The following CNTLN variants were observed in gnomAD, a reference collection of about 807,000 sequenced individuals.
The protein encoded by CNTLN is centlein, centrosomal protein.
Under a neutral mutation model 180.0 loss-of-function variants are expected in CNTLN, and 212 were observed. That is an observed-to-expected ratio of 1.18 (90% CI 1.05 to 1.32). The LOEUF (loss-of-function observed/expected upper bound fraction) is 1.32, where lower values mean the gene tolerates loss of function less well. Ranked by LOEUF, CNTLN falls within the 40% of genes most tolerant of loss-of-function variation. The pLI is 0.00. For missense variants in CNTLN, 2,095 were observed against 1,610.9 expected (o/e 1.30, Z -5.14); for synonymous variants, 722 against 563.1 (o/e 1.28, Z -3.99).
chr9:17,316,816 T>G (rs960622417), intron 8 of CNTLN, among the ~76,000 whole-genome samples: 1 of 152,120 alleles, frequency 6.6e-6, no homozygotes, highest in Admixed American at 6.5e-5. Flanking sequence ...ATTTCCTTAG[T>G]GCTTACCCTG....
intron 2 of CNTLN, among the ~76,000 whole-genome samples, chr9:17,149,674 T>C (rs1018326277): frequency 6.6e-6 from 1 of 151,854 alleles, no homozygotes; most frequent in Non-Finnish European, 1.5e-5. Context: ...CCCGCCACCA[T>C]GCCTGGCTAA....
Position 17,438,822 on chromosome 9 carries a change from A to G in CNTLN, c.3115-18702A>G, listed in dbSNP as rs576369123. On this transcript the variant is annotated intron_variant, in intron 18 of 25. Coordinates refer to ENST00000380647, the MANE Select transcript of CNTLN (RefSeq NM_017738.4). ...AATCACCAAGGGCGTGGAGATAGGT[A>G]CAAAAGAGATAAGGTCCAAGATCTG... 3.9e-5 allele frequency among the ~76,000 whole-genome samples: 6 copies of G among 152,324 alleles called. No homozygotes were observed. The South Asian group carries it at 6.2e-4, about 16-fold the overall frequency.
At chr9:17,356,123 A>T (rs1033802297) in intron 12 of CNTLN, among the ~76,000 whole-genome samples, 1 of 152,110 alleles carries the variant, frequency 6.6e-6, no homozygotes, top group Non-Finnish European at 1.5e-5. Context: ...ATTGCATATC[A>T]TAAGTCAAGA....
chr9:17,163,441 T>G (rs1454155693), intron 2 of CNTLN, among the ~76,000 whole-genome samples: 1 of 152,242 alleles, frequency 6.6e-6, no homozygotes, highest in Non-Finnish European at 1.5e-5. Context: ...TAGATATCAT[T>G]GGCAAATCAT....
chr9:17,454,713 A>G (rs1438027945), intron 18 of CNTLN, among the ~76,000 whole-genome samples: 5 of 152,212 alleles, frequency 3.3e-5, no homozygotes, highest in African/African-American at 9.6e-5. Flanking sequence ...CCTCGAGATC[A>G]CCTTTGTTAG....
chr9:17,523,593 A>G, the CNTLN span, among the ~76,000 whole-genome samples: 2 of 152,134 alleles, frequency 1.3e-5, no homozygotes, highest in African/African-American at 4.8e-5. Flanking sequence ...ATATAATTCT[A>G]CCTTGATTTT....
chr9:17,280,300 C>T (rs868403826), intron 6 of CNTLN, among the ~76,000 whole-genome samples: 1 of 152,074 alleles, frequency 6.6e-6, no homozygotes, highest in Non-Finnish European at 1.5e-5. Flanking sequence ...TCCTTAATTC[C>T]CTTTGATCTG....
intron 23 of CNTLN, among the ~76,000 whole-genome samples, chr9:17,469,251 T>C (rs1350973700): frequency 6.6e-6 from 1 of 151,788 alleles, no homozygotes; most frequent in Non-Finnish European, 1.5e-5. Flanking sequence ...ACAATACATA[T>C]CAGTTTGACA....
intron 15 of CNTLN, among the ~76,000 whole-genome samples, chr9:17,401,469 G>T (rs1338309979): frequency 6.7e-6 from 1 of 148,402 alleles, no homozygotes; most frequent in Non-Finnish European, 1.5e-5. Flanking sequence ...GACTTCCTGA[G>T]CTCGAGCTAC....
Position 17,340,868 on chromosome 9 carries a change from C to G in CNTLN, c.1686C>G (p.Arg562=), listed in dbSNP as rs761307553. Residue 562 remains arginine, a synonymous_variant, in exon 11 of 26, where the codon CGC becomes CGG. Coordinates refer to ENST00000380647, the MANE Select transcript of CNTLN (RefSeq NM_017738.4). The stretch of plus-strand genomic sequence containing the variant: ...AGCTAAGAGATGCCCATGAAAAACG[C>G]AAGGAACGGCTACAGATGTTACAGA... The part of the protein sequence containing the change: ...NDELRDAHEK[R]KERLQMLQTN... The G allele has an allele frequency of 5.6e-6, 9 of 1,611,876 alleles. No homozygotes were observed. In the South Asian group the frequency reaches 9.9e-5, roughly 18 times the overall value.
chr9:17,371,562 C>T (rs1189046014), intron 13 of CNTLN, among the ~76,000 whole-genome samples: 1 of 152,044 alleles, frequency 6.6e-6, no homozygotes, highest in East Asian at 1.9e-4. Context: ...ACAGATCTTC[C>T]AGACAGAAAA....
intron 2 of CNTLN, among the ~76,000 whole-genome samples, chr9:17,201,411 A>T (rs925224167): frequency 6.6e-6 from 1 of 152,160 alleles, no homozygotes; most frequent in African/African-American, 2.4e-5. Flanking sequence ...AAGGTATGGT[A>T]CCAGCTCCTC....
chr9:17,137,764 T>A (rs566688581), intron 1 of CNTLN, among the ~76,000 whole-genome samples: 1 of 152,330 alleles, frequency 6.6e-6, no homozygotes, highest in Non-Finnish European at 1.5e-5. Context: ...TGATGTGTGC[T>A]TGGTGAAGTT....
rs1820569920 is a variant in CNTLN at position 17,174,054 on chromosome 9, T to C, written c.449+30678T>C. On this transcript the variant is annotated intron_variant, in intron 2 of 25. Coordinates refer to ENST00000380647, the MANE Select transcript of CNTLN (RefSeq NM_017738.4). ...TTATTTGTTCTCCATTTTTGTAATT[T>C]TATCATTTCTAAAATGTTGTATAAA... 2.0e-5 allele frequency among the ~76,000 whole-genome samples: 3 copies of C among 152,246 alleles called. No homozygotes were observed. In the South Asian group the frequency reaches 6.2e-4, roughly 32 times the overall value.
chr9:17,136,437 C>T (rs1172433394), intron 1 of CNTLN, among the ~76,000 whole-genome samples: 1 of 152,228 alleles, frequency 6.6e-6, no homozygotes, highest in Non-Finnish European at 1.5e-5. Context: ...TCACGCCATT[C>T]TCCAGCCTCA....
At chr9:17,372,115 A>C (rs1252241345) in intron 13 of CNTLN, among the ~76,000 whole-genome samples, 2 of 152,148 alleles carry the variant, frequency 1.3e-5, no homozygotes, top group African/African-American at 4.8e-5. Flanking sequence ...TAAAGATCAG[A>C]GCAGAGATAA....
chr9:17,490,341 A>G (rs1833092763), intron 25 of CNTLN, among the ~76,000 whole-genome samples: 1 of 152,164 alleles, frequency 6.6e-6, no homozygotes, highest in East Asian at 1.9e-4. Flanking sequence ...AGCAGTAATG[A>G]GATTAGATGA....
chr9:17,196,224 A>G (rs369823676), intron 2 of CNTLN, among the ~76,000 whole-genome samples: 31 of 152,120 alleles, frequency 2.0e-4, no homozygotes, highest in African/African-American at 6.5e-4. Context: ...GGGTTTCATC[A>G]TCTTGGTCAG....
At chr9:17,474,634 C>T (rs1474694779) in intron 23 of CNTLN, among the ~76,000 whole-genome samples, 9 of 152,116 alleles carry the variant, frequency 5.9e-5, no homozygotes, top group Admixed American at 2.0e-4. Context: ...TTTGGGAGGC[C>T]GAGGTGGGTG....
Sources: allele counts gnomAD v4.1 joint callset (sites outside exome capture counted in the v4.1 genomes callset), GRCh38; gene constraint gnomAD v4.1.1; transcripts MANE v1.5; gene names NCBI Gene and HGNC (gene_info 2026-07-23, HGNC 2026-07-21).